Variants in ASPG observed in about 807,000 individuals in gnomAD.
ASPG encodes the protein asparaginase.
ASPG carries 53 observed loss-of-function variants against 63.2 expected under a neutral mutation model. The observed-to-expected ratio is 0.84, with a 90% CI of 0.67 to 1.05. The LOEUF is 1.05. ASPG is among the 50% of genes least tolerant of loss of function. The pLI, the probability that ASPG is intolerant of heterozygous loss-of-function variation, is 0.00. For missense variants in ASPG, 741 were observed against 794.4 expected (o/e 0.93, Z 0.81); for synonymous variants, 370 against 355.0 (o/e 1.04, Z -0.48).
At chr14:104,095,476 C>T (rs2036554552) in intron 3 of ASPG, 55 bp from the exon 4 acceptor site, 10 of 1,607,962 alleles carry the variant, frequency 6.2e-6, no homozygotes, top group East Asian at 2.2e-5. Context: ...GCTGCAACCT[C>T]CCCCACACCT....
intron 12 of ASPG, chr14:104,108,415 G>A (rs2037238531): frequency 2.0e-6 from 2 of 985,228 alleles, no homozygotes; most frequent in African/African-American, 1.7e-5. Context: ...CTCACAGCAC[G>A]CCCCCAACCG....
intron 1 of ASPG, among the ~76,000 whole-genome samples, chr14:104,087,806 G>A (rs757358847): frequency 2.4e-4 from 37 of 152,334 alleles, no homozygotes; most frequent in Admixed American, 4.6e-4. Context: ...CCGCGTGCTC[G>A]CCGCAGCAGC....
chr14:104,110,818 G>C lies in ASPG; in HGVS notation c.1521-684G>C. Reference sequence around the variant, plus strand: ...CGGGTCCCCACCTGGCCTGCTCCTGGCCTCCCCAGGTGGCGAGTGAGTTCT... The same window carrying C: ...CGGGTCCCCACCTGGCCTGCTCCTGCCCTCCCCAGGTGGCGAGTGAGTTCT... On this transcript the variant is annotated intron_variant, in intron 13 of 15. Transcript: ENST00000551177. The surrounding 1 kb of genome is among the most constrained non-coding windows in gnomAD (Gnocchi z 4.7). 9 of 985,320 alleles carry C rather than the reference G, an allele frequency of 9.1e-6. No individual in the cohort carries two copies. Among genetic ancestry groups the C allele is most frequent in the Non-Finnish European group, 1.1e-5 (9 of 829,846 alleles). 61.0% of individuals were successfully genotyped at this position (985,320 alleles called of 1,614,324 possible). A position where few individuals can be genotyped will look rare whatever the true frequency, so the allele number is the denominator to read the frequency against.
chr14:104,105,190 C>T (rs528300656), intron 9 of ASPG, 138 bp from the exon 10 acceptor site: 375 of 1,376,726 alleles, frequency 2.7e-4, no homozygotes, highest in Non-Finnish European at 3.3e-4. Flanking sequence ...CGCTCTGGCC[C>T]GAGGGATGAA....
At chr14:104,106,439 C>T (rs932559526) in intron 10 of ASPG, among the ~76,000 whole-genome samples, 2 of 152,138 alleles carry the variant, frequency 1.3e-5, no homozygotes, top group Non-Finnish European at 2.9e-5. Context: ...CTCTGCTTCC[C>T]ACGCTCTCCT....
intron 1 of ASPG, 42 bp from the exon 2 acceptor site, chr14:104,092,591 G>A: frequency 6.7e-7 from 1 of 1,495,752 alleles, no homozygotes; most frequent in Non-Finnish European, 9.0e-7. Flanking sequence ...GGCCATGGCT[G>A]TCAGCCCCTG....
At chr14:104,102,713 C>T (rs2036932151) in intron 6 of ASPG, among the ~76,000 whole-genome samples, 1 of 152,172 alleles carries the variant, frequency 6.6e-6, no homozygotes, top group Admixed American at 6.5e-5. Context: ...CATCAGCCTC[C>T]CACCCCCACC....
At position 104,109,720 on chromosome 14, in the gene ASPG, C is replaced by T. The variant is rs1451752848; in HGVS notation, c.1520+405C>T. Among the ~76,000 whole-genome samples the T allele has an allele frequency of 6.6e-6, 1 of 151,340 alleles. No individual in the cohort carries two copies. ...TTTGGGGAGGTTGGGGCAGGTGGGG[C>T]ACAGAGGAGCTGAAGCCCCTGGCAG... On this transcript the variant is annotated intron_variant, in intron 13 of 15. Transcript: ENST00000551177. This position sits in a 1 kb window ranked among gnomAD's most constrained non-coding sequence, Gnocchi z 4.8.
intron 5 of ASPG, 132 bp from the exon 6 acceptor site, chr14:104,098,721 C>T (rs114491725): frequency 3.6e-5 from 50 of 1,379,360 alleles, no homozygotes; most frequent in South Asian, 1.5e-4. Context: ...TCTCTGCCTG[C>T]GGTGGGTGGG....
At chr14:104,095,785 T>C (rs1221590495) in intron 4 of ASPG, 129 bp downstream of exon 4, 4 of 1,264,764 alleles carry the variant, frequency 3.2e-6, no homozygotes, top group African/African-American at 1.5e-5. Context: ...AGGTGGCTGC[T>C]GCAGGGCCCG....
At position 104,109,279 on chromosome 14, in the gene ASPG, C is replaced by G; in HGVS notation, c.1484C>G (p.Thr495Ser). Residue 495 changes from threonine (T) to serine (S), a missense_variant, in exon 13 of 16, where the codon ACC becomes AGC. Physicochemically the swap from Thr to Ser is moderately conservative, Grantham distance 58 (BLOSUM62 1). Coordinates refer to ENST00000551177, the MANE Select transcript of ASPG (RefSeq NM_001080464.3). This position sits in a 1 kb window ranked among gnomAD's most constrained non-coding sequence, Gnocchi z 4.8. ...CGGGAAGCCGGGGCCTCCCTGTCCA[C>G]CCAGGAGCTGGAGGAAGCAGGGACG... Reference protein sequence around the residue: ...LLREAGASLSTQELEEAGTEL... With the variant: ...LLREAGASLSSQELEEAGTEL... 5 of 1,612,984 alleles carry G rather than the reference C, an allele frequency of 3.1e-6. No homozygotes were observed. In the Middle Eastern group the frequency reaches 8.3e-4, roughly 266 times the overall value.
chr14:104,093,972 T>G (rs574400930), intron 3 of ASPG, among the ~76,000 whole-genome samples: 1 of 149,682 alleles, frequency 6.7e-6, no homozygotes, highest in Non-Finnish European at 1.5e-5. Context: ...GCGGGGCTGG[T>G]GGATGGGCAG....
At chr14:104,103,409 C>T (rs915041271) in intron 6 of ASPG, among the ~76,000 whole-genome samples, 154 bp from the exon 7 acceptor site, 11 of 152,230 alleles carry the variant, frequency 7.2e-5, no homozygotes, top group Non-Finnish European at 1.3e-4. Context: ...GATTTGCCTG[C>T]GGGAGAGGAG....
chr14:104,107,919 G>A lies in ASPG; in HGVS notation c.1433+574G>A, dbSNP rs572986527. 3.5e-4 allele frequency among the ~76,000 whole-genome samples: 53 copies of A among 152,274 alleles called. No individual in the cohort carries two copies. In the South Asian group the frequency reaches 4.1e-3, roughly 12 times the overall value. The stretch of plus-strand genomic sequence containing the variant: ...GGCCAACGACCTGTCTGCTGGTGCC[G>A]CTGCCCGGACCCATGGGCTGCTCAG... On this transcript the variant is annotated intron_variant, in intron 12 of 15. Transcript: ENST00000551177.
intron 3 of ASPG, among the ~76,000 whole-genome samples, chr14:104,093,845 G>A (rs2036474954): frequency 1.4e-5 from 2 of 144,634 alleles, no homozygotes; most frequent in South Asian, 4.5e-4. Context: ...TGGGGCTGTG[G>A]GTGTGGGGTG....
In ASPG at chr14:104,104,964, C is replaced by T. The variant is rs927747885; in HGVS notation, c.1050+229C>T. Reference sequence around the variant, plus strand: ...AGCCCAGGCTCCGCCTGTCCTTGTGCCTTCTCAGACTGCATGGAGACCTGA... The same window carrying T: ...AGCCCAGGCTCCGCCTGTCCTTGTGTCTTCTCAGACTGCATGGAGACCTGA... On this transcript the variant is annotated intron_variant, in intron 9 of 15. Transcript: ENST00000551177. The T allele has an allele frequency of 8.6e-6, 5 of 579,898 alleles. No individual in the cohort carries two copies. The Admixed American group carries it at 1.6e-4, about 19-fold the overall frequency. The allele number at this position is 579,898 out of a possible 1,614,324, so 35.9% of individuals were successfully genotyped here.
chr14:104,098,849 G>T lies in ASPG; in HGVS notation c.514-4G>T. ...CTCTGAACTCTGTCGCTCCGTTCCCGCAGGTCTGCCTTTTCTTCCAGAATC... is the reference window on the plus strand; with the variant it reads ...CTCTGAACTCTGTCGCTCCGTTCCCTCAGGTCTGCCTTTTCTTCCAGAATC... On this transcript the variant is annotated splice_polypyrimidine_tract_variant and splice_region_variant and intron_variant, in intron 5 of 15. Transcript: ENST00000551177. The T allele has an allele frequency of 1.2e-6, 2 of 1,612,542 alleles. No homozygotes were observed. Among genetic ancestry groups the T allele is most frequent in the South Asian group, 1.1e-5 (1 of 91,040 alleles).
In ASPG at chr14:104,085,776, G is replaced by T. The variant is rs758757382; in HGVS notation, c.6G>T (p.Ala2=). M[A]RAVGPERRLL... is the part of the protein sequence containing the mutation. The stretch of plus-strand genomic sequence containing the variant: ...CCCGTGGTCCCCGGTCCGGCATGGC[G>T]CGCGCGGTGGGGCCCGAGCGGAGGC... The change falls in exon 1 of 16, where the codon GCG becomes GCT. Residue 2 remains alanine (A), a synonymous_variant. Transcript: ENST00000551177. The T allele has an allele frequency of 2.9e-5, 46 of 1,581,324 alleles. No individual in the cohort carries two copies. Among genetic ancestry groups the T allele is most frequent in the African/African-American group, 5.5e-5 (4 of 72,288 alleles).
rs368443525 is a variant in ASPG at position 104,098,848 on chromosome 14, C to T, written c.514-5C>T. On this transcript the variant is annotated splice_polypyrimidine_tract_variant and splice_region_variant and intron_variant, in intron 5 of 15. Transcript: ENST00000551177. ...GCTCTGAACTCTGTCGCTCCGTTCC[C>T]GCAGGTCTGCCTTTTCTTCCAGAAT... The T allele has an allele frequency of 4.3e-6, 7 of 1,612,520 alleles. No individual in the cohort carries two copies. The highest frequency in any genetic ancestry group is 2.7e-5 in the African/African-American group (2 of 74,946).
Sources: gnomAD v4.1 joint callset for allele counts (sites outside exome capture counted in the v4.1 genomes callset) on GRCh38, gnomAD v4.1.1 for gene constraint, Gnocchi (gnomAD v3.1) non-coding constraint, MANE v1.5 for transcripts, NCBI Gene and HGNC (gene_info 2026-07-23, HGNC 2026-07-21) for gene names.